BRINP1: variants seen among roughly 807,000 people sequenced by gnomAD.
BRINP1 encodes BMP/retinoic acid-inducible neural-specific protein 1.
A neutral mutation model predicts 72.9 loss-of-function variants in BRINP1; 17 were observed. That is an observed-to-expected ratio of 0.23 (90% CI 0.16 to 0.35). BRINP1 has a LOEUF of 0.35. BRINP1 is among the 10% of genes least tolerant of loss of function. The pLI, the probability that BRINP1 is intolerant of heterozygous loss-of-function variation, is 1.00. For synonymous variants in BRINP1, 418 were observed against 378.5 expected, an observed-to-expected ratio of 1.10 and a Z score of -1.21; for missense variants, 850 against 1,001.6, an observed-to-expected ratio of 0.85 and a Z score of 2.04.
intron 7 of BRINP1, among the ~76,000 whole-genome samples, chr9:119,185,592 C>T (rs1829608102): frequency 6.6e-6 from 1 of 152,176 alleles, no homozygotes; most frequent in African/African-American, 2.4e-5. Context: ...TAACGGAGAG[C>T]ACTGAAGTAC....
chr9:119,349,190 A>T (rs538202105), intron 1 of BRINP1, among the ~76,000 whole-genome samples: 1 of 152,320 alleles, frequency 6.6e-6, no homozygotes, highest in East Asian at 1.9e-4. Context: ...AAAATTAAGA[A>T]CAAAATTGTT....
At chr9:119,207,213 G>C (rs539735605) in intron 7 of BRINP1, among the ~76,000 whole-genome samples, 1 of 152,162 alleles carries the variant, frequency 6.6e-6, no homozygotes, top group East Asian at 1.9e-4. Context: ...CAAGAAAAAC[G>C]AGAGAAAAAA....
At chr9:119,263,601 C>CTTCTT (rs1554752046) in intron 2 of BRINP1, among the ~76,000 whole-genome samples, 2 of 78,560 alleles carry the variant, frequency 2.5e-5, no homozygotes, top group Non-Finnish European at 4.3e-5. Context: ...GTAAACAATT[C>CTTCTT]TTTTTTTTTT....
chr9:119,202,547 T>TA (rs1246655801), intron 7 of BRINP1, among the ~76,000 whole-genome samples: 1 of 152,118 alleles, frequency 6.6e-6, no homozygotes, highest in African/African-American at 2.4e-5. Context: ...AGACCAAACT[T>TA]AAAGTCCATC....
At chr9:119,361,744 C>G (rs1427236433) in intron 1 of BRINP1, among the ~76,000 whole-genome samples, 1 of 151,622 alleles carries the variant, frequency 6.6e-6, no homozygotes. Flanking sequence ...CCTCAGCCTC[C>G]CAGGTAGCTG....
At chr9:119,255,937 G>C (rs936666243) in intron 2 of BRINP1, among the ~76,000 whole-genome samples, 1 of 111,366 alleles carries the variant, frequency 9.0e-6, no homozygotes, top group Non-Finnish European at 1.7e-5. Flanking sequence ...CCCGGGCAAC[G>C]GAGCAAGACT....
intron 2 of BRINP1, among the ~76,000 whole-genome samples, chr9:119,284,056 G>C (rs960903046): frequency 6.6e-6 from 1 of 152,124 alleles, no homozygotes; most frequent in South Asian, 2.1e-4. Flanking sequence ...GAGATCCTCA[G>C]CTGATTCAAA....
intron 1 of BRINP1, among the ~76,000 whole-genome samples, chr9:119,313,973 G>A (rs1052359300): frequency 6.6e-6 from 1 of 152,160 alleles, no homozygotes; most frequent in African/African-American, 2.4e-5. Flanking sequence ...GCTTTTGCAT[G>A]AACAGATGAA....
chr9:119,192,738 T>C (rs574218626), intron 7 of BRINP1, among the ~76,000 whole-genome samples: 4 of 152,216 alleles, frequency 2.6e-5, no homozygotes, highest in African/African-American at 9.6e-5. Context: ...CAGAAATCCC[T>C]CTTCTGGGTA....
chr9:119,311,952 A>G (rs946812641), intron 2 of BRINP1, among the ~76,000 whole-genome samples: 20 of 152,164 alleles, frequency 1.3e-4, no homozygotes, highest in African/African-American at 4.6e-4. Context: ...TAACACACTC[A>G]ACCTCCAAAT....
intron 1 of BRINP1, among the ~76,000 whole-genome samples, chr9:119,355,609 G>A (rs910189536): frequency 1.2e-4 from 18 of 151,796 alleles, no homozygotes; most frequent in Non-Finnish European, 2.4e-4. Flanking sequence ...GGTGCCTGTA[G>A]TCCCAGCTAC....
intron 2 of BRINP1, among the ~76,000 whole-genome samples, chr9:119,268,677 C>T (rs1367229447): frequency 2.0e-5 from 3 of 152,186 alleles, no homozygotes; most frequent in Non-Finnish European, 4.4e-5. Flanking sequence ...TTTTCTCCAC[C>T]TATTCTCCAG....
intron 2 of BRINP1, among the ~76,000 whole-genome samples, chr9:119,251,198 C>A (rs1830383679): frequency 6.6e-6 from 1 of 152,184 alleles, no homozygotes; most frequent in African/African-American, 2.4e-5. Flanking sequence ...CAACTGCACT[C>A]AGTGAACCCT....
intron 7 of BRINP1, among the ~76,000 whole-genome samples, chr9:119,200,636 G>GAAA (rs774466695): frequency 8.3e-6 from 1 of 121,208 alleles, no homozygotes; most frequent in Admixed American, 8.7e-5. Flanking sequence ...GAAAAAAAAA[G>GAAA]AAAAAAAAAA....
chr9:119,274,715 C>T (rs914651), intron 2 of BRINP1, among the ~76,000 whole-genome samples: 28,190 of 152,114 alleles, frequency 0.19, 3,083 homozygotes, highest in South Asian at 0.27. Flanking sequence ...ATCAGTCTCA[C>T]ACCCATTCTA....
intron 1 of BRINP1, among the ~76,000 whole-genome samples, chr9:119,316,920 G>T (rs10984480): frequency 0.26 from 38,851 of 148,864 alleles, 6,001 homozygotes; most frequent in Non-Finnish European, 0.33. Flanking sequence ...ATGAAACCCC[G>T]CCTCTACTAA....
intron 1 of BRINP1, among the ~76,000 whole-genome samples, chr9:119,366,884 TTCTGC>T (rs1340798301): frequency 6.6e-6 from 1 of 151,994 alleles, no homozygotes; most frequent in Non-Finnish European, 1.5e-5. Flanking sequence ...AGTCCTGCCT[TTCTGC>T]TCTTTAATAT....
intron 2 of BRINP1, among the ~76,000 whole-genome samples, chr9:119,310,430 T>C (rs1230190180): frequency 6.6e-6 from 1 of 152,096 alleles, no homozygotes. Context: ...TTCTGCTGGG[T>C]TTTAATTAAA....
chr9:119,256,678 G>C (rs1457203363), intron 2 of BRINP1, among the ~76,000 whole-genome samples: 1 of 152,136 alleles, frequency 6.6e-6, no homozygotes, highest in African/African-American at 2.4e-5. Flanking sequence ...TGCTTAAAAG[G>C]TTCTATTTTA....
Sources: gnomAD v4.1 joint callset for allele counts (sites outside exome capture counted in the v4.1 genomes callset) on GRCh38, gnomAD v4.1.1 for gene constraint, MANE v1.5 for transcripts, NCBI Gene and HGNC (gene_info 2026-07-23, HGNC 2026-07-21) for gene names.